The following TLK1 variants were observed in gnomAD, a reference collection of about 807,000 sequenced individuals.
TLK1 encodes tousled like kinase 1.
In TLK1, 24 loss-of-function variants were observed where a neutral mutation model predicts 105.3. The ratio of observed to expected loss-of-function variants is 0.23; its 90% CI spans 0.17 to 0.32. The LOEUF (loss-of-function observed/expected upper bound fraction) is 0.32, where lower values mean the gene tolerates loss of function less well. TLK1 is among the 10% of genes least tolerant of loss of function. The probability of loss-of-function intolerance (pLI) is 1.00; values close to 1 mark genes in which losing one functional copy is unlikely to be tolerated. For synonymous variants in TLK1, 321 were observed against 310.4 expected, an observed-to-expected ratio of 1.03 and a Z score of -0.36; for missense variants, 558 against 910.5, an observed-to-expected ratio of 0.61 and a Z score of 4.98.
intron 1 of TLK1, among the ~76,000 whole-genome samples, chr2:171,188,901 A>C (rs1693090193): frequency 6.6e-6 from 1 of 151,892 alleles, no homozygotes; most frequent in African/African-American, 2.4e-5. Flanking sequence ...ATTCAAGCAA[A>C]ATACCTCATA....
intron 1 of TLK1, among the ~76,000 whole-genome samples, chr2:171,177,021 T>C (rs1172021112): frequency 6.6e-6 from 1 of 152,032 alleles, no homozygotes; most frequent in Non-Finnish European, 1.5e-5. Flanking sequence ...TTGGTAGAGA[T>C]GGGGTTTTGC....
intron 2 of TLK1, among the ~76,000 whole-genome samples, chr2:171,111,363 A>G (rs1690148938): frequency 2.0e-5 from 3 of 152,114 alleles, no homozygotes. Context: ...ACTTGAGTCA[A>G]GAGTTTGAGA....
chr2:171,151,470 CTTTTTTTTTTT>C (rs55670860), intron 1 of TLK1, among the ~76,000 whole-genome samples: 3 of 124,244 alleles, frequency 2.4e-5, no homozygotes, highest in African/African-American at 9.6e-5. Flanking sequence ...ATATGTGTAT[CTTTTTTTTTTT>C]TTTTTTTTTT....
At chr2:171,210,022 A>G (rs533757790) in intron 1 of TLK1, among the ~76,000 whole-genome samples, 7 of 152,280 alleles carry the variant, frequency 4.6e-5, no homozygotes, top group African/African-American at 1.7e-4. Context: ...TGTACCTCCT[A>G]TTAGCTAATC....
At chr2:171,214,837 G>A (rs1023287615) in intron 1 of TLK1, among the ~76,000 whole-genome samples, 1 of 152,100 alleles carries the variant, frequency 6.6e-6, no homozygotes, top group Non-Finnish European at 1.5e-5. Flanking sequence ...ACCCCTCAAG[G>A]TCTTCCAGCT....
chr2:171,086,590 TATGCCAGCCTGGGCAAC>T (rs1421313515), intron 2 of TLK1, among the ~76,000 whole-genome samples: 1 of 145,808 alleles, frequency 6.9e-6, no homozygotes, highest in Non-Finnish European at 1.5e-5. Context: ...CGCACCACTA[TATGCCAGCCTGGGCAAC>T]AGAGCAAGAC....
chr2:171,026,348 T>A (rs1685773203), intron 12 of TLK1, among the ~76,000 whole-genome samples: 1 of 152,148 alleles, frequency 6.6e-6, no homozygotes, highest in Non-Finnish European at 1.5e-5. Context: ...AAACCAGTAT[T>A]TTCAAAGTAC....
chr2:171,224,164 T>C (rs376208494), intron 1 of TLK1, among the ~76,000 whole-genome samples: 1 of 152,324 alleles, frequency 6.6e-6, no homozygotes, highest in African/African-American at 2.4e-5. Context: ...CTTCCACATA[T>C]GGCTATCCAG....
chr2:171,002,237 T>C (rs1343105758), intron 18 of TLK1, among the ~76,000 whole-genome samples: 1 of 152,124 alleles, frequency 6.6e-6, no homozygotes, highest in African/African-American at 2.4e-5. Flanking sequence ...TCCTTTTGCT[T>C]TAAAATGGTC....
At chr2:171,204,713 C>T (rs1693469478) in intron 1 of TLK1, among the ~76,000 whole-genome samples, 1 of 152,158 alleles carries the variant, frequency 6.6e-6, no homozygotes, top group African/African-American at 2.4e-5. Flanking sequence ...AATCCCAACA[C>T]TTTGGGAGGC....
intron 1 of TLK1, among the ~76,000 whole-genome samples, chr2:171,194,983 C>T (rs1693238945): frequency 1.3e-5 from 2 of 152,294 alleles, no homozygotes; most frequent in South Asian, 4.1e-4. Flanking sequence ...TTTTCTAACA[C>T]AGCCCTTTCC....
rs573688098 is a variant in TLK1, at chr2:171,059,740, T to C, written c.406+1341A>G. Among the ~76,000 whole-genome samples the C allele has an allele frequency of 4.1e-4, 63 of 152,262 alleles. 1 individual carries two copies. The highest frequency in any genetic ancestry group is 3.4e-3 in the Middle Eastern group (1 of 294). On this transcript the variant is annotated intron_variant, in intron 4 of 20. Transcript: ENST00000431350. ...AGACTGCGGGGAGTAGGGGAGATGG[T>C]TTTGGGATGAAACGGTTCCACCTCA...
chr2:171,089,421 C>T (rs1689125837), intron 2 of TLK1, among the ~76,000 whole-genome samples: 1 of 152,154 alleles, frequency 6.6e-6, no homozygotes, highest in Admixed American at 6.5e-5. Flanking sequence ...TTTAAATCTA[C>T]AATTTACTTG....
At chr2:171,135,393 A>G (rs139852964) in intron 1 of TLK1, among the ~76,000 whole-genome samples, 3 of 151,794 alleles carry the variant, frequency 2.0e-5, no homozygotes, top group Admixed American at 6.6e-5. Context: ...TGATTTGCCA[A>G]TTAAAAATAT....
At chr2:171,007,137 G>A in intron 14 of TLK1, 74 bp from the exon 15 acceptor site, 1 of 1,306,098 alleles carries the variant, frequency 7.7e-7, no homozygotes, top group Non-Finnish European at 1.1e-6. Flanking sequence ...TTATTTTGGT[G>A]ATAATTTTTG....
At chr2:171,122,813 C>T (rs1326827493) in intron 1 of TLK1, among the ~76,000 whole-genome samples, 8 of 151,812 alleles carry the variant, frequency 5.3e-5, no homozygotes, top group Non-Finnish European at 7.4e-5. Context: ...CTGAGGAGGG[C>T]GGATCACTTA....
chr2:171,230,363 C>T (rs1312730375), intron 1 of TLK1, among the ~76,000 whole-genome samples: 1 of 152,188 alleles, frequency 6.6e-6, no homozygotes, highest in East Asian at 1.9e-4. Flanking sequence ...AAGATAAGAT[C>T]TGTGACATTA....
chr2:171,169,217 T>C (rs1692677473), intron 1 of TLK1, among the ~76,000 whole-genome samples: 2 of 152,182 alleles, frequency 1.3e-5, no homozygotes. Context: ...ACATTATTTA[T>C]AGTAACAATA....
In TLK1 at chr2:170,992,906, G is replaced by A. The variant is rs1191418939; in HGVS notation, c.*874C>T. ...CATCTGTACAACAATTTACAATAGA[G>A]CTAGAAGGGAATTTATCATTATCCT... On this transcript the variant is annotated 3_prime_UTR_variant, in exon 21 of 21. Transcript: ENST00000431350. The A allele has an allele frequency of 6.6e-6, 1 of 152,616 alleles. No individual in the cohort carries two copies. The highest frequency in any genetic ancestry group is 1.9e-4 in the East Asian group (1 of 5,204). The allele number at this position is 152,616 out of a possible 1,614,324, so 9.5% of individuals were successfully genotyped here.
Sources: allele counts gnomAD v4.1 joint callset (sites outside exome capture counted in the v4.1 genomes callset), GRCh38; gene constraint gnomAD v4.1.1; transcripts MANE v1.5; gene names NCBI Gene and HGNC (gene_info 2026-07-23, HGNC 2026-07-21).